The following MCTP1 variants were observed in gnomAD, a reference collection of about 807,000 sequenced individuals.
MCTP1 encodes multiple C2 and transmembrane domain-containing protein 1.
MCTP1 carries 69 observed loss-of-function variants against 120.6 expected under a neutral mutation model. The observed-to-expected ratio is 0.57, with a 90% CI of 0.47 to 0.70. The LOEUF is 0.70. Among genes scored for constraint, MCTP1 ranks in the 30% least tolerant of loss-of-function variants. The pLI, the probability that MCTP1 is intolerant of heterozygous loss-of-function variation, is 0.00. For synonymous variants in MCTP1, 529 were observed against 493.1 expected (o/e 1.07, Z -0.96); for missense variants, 1,203 against 1,248.8 (o/e 0.96, Z 0.55).
At chr5:94,955,204 G>T (rs192528835) in intron 2 of MCTP1, among the ~76,000 whole-genome samples, 12 of 152,260 alleles carry the variant, frequency 7.9e-5, no homozygotes, top group African/African-American at 2.9e-4. Context: ...AGCTGTGAGG[G>T]ACCATGCCGT....
At chr5:95,212,341 T>C (rs910894499) in intron 1 of MCTP1, among the ~76,000 whole-genome samples, 2 of 152,022 alleles carry the variant, frequency 1.3e-5, no homozygotes, top group African/African-American at 4.8e-5. Context: ...AATAGACCAA[T>C]AACAGGATCT....
Position 95,040,201 on chromosome 5 carries a change from C to T in MCTP1, c.721-22717G>A, listed in dbSNP as rs545431625. 3.3e-5 allele frequency among the ~76,000 whole-genome samples: 5 copies of T among 152,134 alleles called. No individual in the cohort carries two copies. The South Asian group carries it at 8.3e-4, about 25-fold the overall frequency. On this transcript the variant is annotated intron_variant, in intron 1 of 22. Transcript: ENST00000515393. ...CTGTAATCCTGGCACTTTGGAAGGC[C>T]GTGGCAGGCAGATCACCTGAGGTCA...
intron 17 of MCTP1, among the ~76,000 whole-genome samples, chr5:94,855,824 A>T (rs1794628988): frequency 6.6e-6 from 1 of 151,820 alleles, no homozygotes; most frequent in Admixed American, 6.6e-5. Flanking sequence ...AATCTCAATA[A>T]CGTTTCTCTG....
At chr5:95,056,875 A>G (rs1395915420) in intron 1 of MCTP1, among the ~76,000 whole-genome samples, 4 of 152,220 alleles carry the variant, frequency 2.6e-5, no homozygotes, top group African/African-American at 9.7e-5. Context: ...ACACACACAC[A>G]CACAAACACA....
At chr5:94,738,070 T>C (rs1764671965) in intron 19 of MCTP1, among the ~76,000 whole-genome samples, 1 of 152,238 alleles carries the variant, frequency 6.6e-6, no homozygotes, top group African/African-American at 2.4e-5. Flanking sequence ...CACCACCTAG[T>C]GGCACTTGTG....
At chr5:94,870,317 T>A in intron 16 of MCTP1, 100 bp downstream of exon 16, 5 of 702,240 alleles carry the variant, frequency 7.1e-6, no homozygotes, top group Non-Finnish European at 1.2e-5. Context: ...AATTCCAGTC[T>A]TCCCCCCTCC....
chr5:94,923,973 G>C lies in MCTP1; in HGVS notation c.1261C>G (p.Leu421Val). The C allele has an allele frequency of 6.6e-7, 1 of 1,525,664 alleles. No individual in the cohort carries two copies. The allele number at this position is 1,525,664 out of a possible 1,614,324, so 94.5% of individuals were successfully genotyped here. ...GATTTAGACATTACCCTCCAAAAGA[G>C]AGACTTCACAGAGAAATAAGATCCA... ...VVGSYFSVKS[L>V]FWRTCGRPAL... Residue 421 changes from leucine (L) to valine (V), a missense_variant, in exon 7 of 23, where the codon CTC becomes GTC. Around this residue, in one of 2 missense-constraint regions of MCTP1, gnomAD observed 740 missense variants for 871.1 expected, o/e 0.85. Transcript: ENST00000515393.
chr5:95,055,024 C>G (rs1343489734), intron 1 of MCTP1, among the ~76,000 whole-genome samples: 1 of 152,126 alleles, frequency 6.6e-6, no homozygotes, highest in African/African-American at 2.4e-5. Context: ...GTTGGCCACG[C>G]TGGTCTCAAA....
At position 95,284,054 on chromosome 5, in the gene MCTP1, C is replaced by T. The variant is rs758987983; in HGVS notation, c.522G>A (p.Pro174=). Residue 174 remains proline, a synonymous_variant, in exon 1 of 23, where the codon CCG becomes CCA. Coordinates refer to ENST00000515393, the MANE Select transcript of MCTP1 (RefSeq NM_024717.7). The surrounding 1 kb of genome is among the most constrained non-coding windows in gnomAD (Gnocchi z 5.2). The part of the protein sequence containing the change: ...SSLSSSPQPP[P]RGDRARDEGA... ...CCTCATCTCGGGCGCGGTCCCCCCT[C>T]GGGGGAGGCTGGGGCGAGGAGGACA... 2.5e-5 allele frequency: 38 copies of T among 1,534,494 alleles called. No homozygotes were observed. Among genetic ancestry groups the T allele is most frequent in the Non-Finnish European group, 3.2e-5 (36 of 1,140,966 alleles).
In MCTP1 at chr5:95,265,093, G is replaced by A. The variant is rs114622318; in HGVS notation, c.720+18763C>T. ...TCCATCCATCCTATTAGACATCTCCGTTCCTACCCACCACTCCTCAAATGT... is the reference window on the plus strand; with the variant it reads ...TCCATCCATCCTATTAGACATCTCCATTCCTACCCACCACTCCTCAAATGT... On this transcript the variant is annotated intron_variant, in intron 1 of 22. Coordinates refer to ENST00000515393, the MANE Select transcript of MCTP1 (RefSeq NM_024717.7). 7.8e-3 allele frequency among the ~76,000 whole-genome samples: 1,184 copies of A among 152,172 alleles called. 18 individuals carry two copies. Among genetic ancestry groups the A allele is most frequent in the African/African-American group, 0.026 (1,071 of 41,498 alleles).
intron 20 of MCTP1, among the ~76,000 whole-genome samples, 165 bp downstream of exon 20, chr5:94,714,612 A>G (rs1232953172): frequency 3.5e-4 from 53 of 152,342 alleles, no homozygotes; most frequent in Non-Finnish European, 1.2e-4. Flanking sequence ...GAACTTTCAT[A>G]AAGCCAAAGA....
intron 1 of MCTP1, among the ~76,000 whole-genome samples, chr5:95,112,112 A>G (rs983444298): frequency 2.6e-5 from 4 of 152,224 alleles, no homozygotes; most frequent in African/African-American, 9.6e-5. Context: ...TGCCTTACAG[A>G]AAAGAAGTTC....
intron 1 of MCTP1, among the ~76,000 whole-genome samples, chr5:95,059,582 G>C (rs539266613): frequency 1.3e-5 from 2 of 151,930 alleles, no homozygotes; most frequent in Middle Eastern, 6.8e-3. Context: ...AAAAAAAAAT[G>C]AAGGAAAAAC....
intron 17 of MCTP1, among the ~76,000 whole-genome samples, chr5:94,829,124 T>C (rs755107129): frequency 2.0e-5 from 3 of 152,352 alleles, no homozygotes; most frequent in Non-Finnish European, 4.4e-5. Flanking sequence ...CCTCCTGATC[T>C]GTGGGTTGTG....
At chr5:94,896,057 G>A (rs912826750) in intron 10 of MCTP1, among the ~76,000 whole-genome samples, 4 of 152,084 alleles carry the variant, frequency 2.6e-5, no homozygotes, top group Non-Finnish European at 5.9e-5. Context: ...GCATTCCAAG[G>A]TACTCTCATG....
At chr5:94,755,424 G>A (rs1371494991) in intron 19 of MCTP1, among the ~76,000 whole-genome samples, 1 of 151,844 alleles carries the variant, frequency 6.6e-6, no homozygotes, top group Non-Finnish European at 1.5e-5. Flanking sequence ...CTCTTTCCCC[G>A]CTTCAGAATC....
chr5:95,145,769 T>C (rs2152448820), intron 1 of MCTP1, among the ~76,000 whole-genome samples: 1 of 152,318 alleles, frequency 6.6e-6, no homozygotes, highest in African/African-American at 2.4e-5. Context: ...TAACTTTTGA[T>C]ATGCTGCTGA....
chr5:95,240,719 G>T (rs1756065056), intron 1 of MCTP1, among the ~76,000 whole-genome samples: 2 of 152,140 alleles, frequency 1.3e-5, no homozygotes, highest in African/African-American at 4.8e-5. Context: ...GTATAGGCTG[G>T]CAGGTTTAAA....
chr5:95,182,923 G>A (rs946554203), intron 1 of MCTP1, among the ~76,000 whole-genome samples: 1 of 151,780 alleles, frequency 6.6e-6, no homozygotes, highest in African/African-American at 2.4e-5. Context: ...CTACTCAGGA[G>A]GCTGAGGCAG....
Sources: gnomAD v4.1 joint callset for allele counts (sites outside exome capture counted in the v4.1 genomes callset) on GRCh38, gnomAD v4.1.1 for gene constraint, gnomAD v4.1.1 regional missense constraint, Gnocchi (gnomAD v3.1) non-coding constraint, MANE v1.5 for transcripts, NCBI Gene and HGNC (gene_info 2026-07-23, HGNC 2026-07-21) for gene names.